MAGI2: variants seen among roughly 807,000 people sequenced by gnomAD.
MAGI2 encodes the protein membrane-associated guanylate kinase, WW and PDZ domain-containing protein 2.
In MAGI2, 35 loss-of-function variants were observed where a neutral mutation model predicts 133.3. The observed-to-expected ratio is 0.26, with a 90% CI of 0.20 to 0.35. The LOEUF (loss-of-function observed/expected upper bound fraction) is 0.35. MAGI2 is among the 10% of genes least tolerant of loss of function. The pLI is 1.00. For missense variants in MAGI2, 1,636 were observed against 1,863.4 expected (o/e 0.88, Z 2.25); for synonymous variants, 729 against 710.6 (o/e 1.03, Z -0.41).
chr7:79,271,280 C>T (rs940573782), intron 1 of MAGI2, among the ~76,000 whole-genome samples: 1 of 152,186 alleles, frequency 6.6e-6, no homozygotes, highest in East Asian at 1.9e-4. Flanking sequence ...ACTTCATCTC[C>T]CCTCATGGAC....
intron 2 of MAGI2, among the ~76,000 whole-genome samples, chr7:78,995,837 C>A (rs1292679204): frequency 6.6e-6 from 1 of 152,074 alleles, no homozygotes; most frequent in Non-Finnish European, 1.5e-5. Flanking sequence ...GAACTGGAAG[C>A]CTGATCCACC....
At position 78,108,758 on chromosome 7, in the gene MAGI2, G is replaced by A. The variant is rs543787612; in HGVS notation, c.3567+16936C>T. Among the ~76,000 whole-genome samples, 5 of 92,634 alleles carry A rather than the reference G, an allele frequency of 5.4e-5. No homozygotes were observed. The East Asian group carries it at 3.9e-3, about 71-fold the overall frequency. The allele number at this position is 92,634 out of a possible 152,430, so 60.8% of individuals were successfully genotyped here. On this transcript the variant is annotated intron_variant, in intron 20 of 21. Coordinates refer to ENST00000354212, the MANE Select transcript of MAGI2 (RefSeq NM_012301.4). ...CACACATATGTGAGTGTATATACGT[G>A]AGTGTGTGTATATATGTGTTTGTGT...
chr7:78,214,194 T>C (rs1037593835), intron 10 of MAGI2, among the ~76,000 whole-genome samples: 3 of 152,244 alleles, frequency 2.0e-5, no homozygotes, highest in African/African-American at 7.2e-5. Flanking sequence ...TTACTTTGTG[T>C]GGTCTTTGCA....
intron 6 of MAGI2, among the ~76,000 whole-genome samples, chr7:78,387,925 CAAATAAATAAATAAATAAAT>C (rs71085527): frequency 0.32 from 46,220 of 145,202 alleles, 7,806 homozygotes; most frequent in Middle Eastern, 0.43. Context: ...AACTCTGTCT[CAAATAAATAAATAAATAAAT>C]AAATAAATAA....
chr7:79,355,249 C>T (rs1841944632), intron 1 of MAGI2, among the ~76,000 whole-genome samples: 1 of 152,208 alleles, frequency 6.6e-6, no homozygotes, highest in East Asian at 1.9e-4. Context: ...ATATTCTTCC[C>T]CTGGGGAGCA....
chr7:78,838,244 G>A (rs1791827703), intron 2 of MAGI2, among the ~76,000 whole-genome samples: 1 of 151,926 alleles, frequency 6.6e-6, no homozygotes, highest in African/African-American at 2.4e-5. Flanking sequence ...TTTCATGAAT[G>A]TAAATCCTAA....
intron 20 of MAGI2, among the ~76,000 whole-genome samples, chr7:78,121,261 C>T (rs1820451803): frequency 6.9e-6 from 1 of 145,774 alleles, no homozygotes. Flanking sequence ...AAGCCAATTA[C>T]GCTAAAATTA....
At chr7:78,591,590 G>A (rs902685646) in intron 3 of MAGI2, among the ~76,000 whole-genome samples, 4 of 152,168 alleles carry the variant, frequency 2.6e-5, no homozygotes, top group Admixed American at 2.6e-4. Flanking sequence ...AAGCAAATAA[G>A]CAGGACTCCC....
At chr7:78,978,218 C>T (rs147038648) in intron 2 of MAGI2, among the ~76,000 whole-genome samples, 11 of 151,882 alleles carry the variant, frequency 7.2e-5, no homozygotes, top group Admixed American at 3.9e-4. Context: ...AATTTGCATA[C>T]GATTGTTTAT....
chr7:78,681,808 A>G (rs568667319), intron 2 of MAGI2, among the ~76,000 whole-genome samples: 2 of 152,252 alleles, frequency 1.3e-5, no homozygotes, highest in South Asian at 4.1e-4. Context: ...GACTAGAGTC[A>G]GGGAAAGAAG....
At chr7:79,152,387 G>A (rs763109878) in intron 1 of MAGI2, among the ~76,000 whole-genome samples, 3 of 152,206 alleles carry the variant, frequency 2.0e-5, no homozygotes, top group African/African-American at 7.2e-5. Flanking sequence ...GGATTGATAA[G>A]TGAAAACTAA....
chr7:78,914,055 C>T (rs1798607909), intron 2 of MAGI2, among the ~76,000 whole-genome samples: 2 of 152,100 alleles, frequency 1.3e-5, no homozygotes, highest in African/African-American at 2.4e-5. Flanking sequence ...AAAATTTAAG[C>T]ATTTTGTTTG....
intron 2 of MAGI2, among the ~76,000 whole-genome samples, chr7:78,731,205 GAATGAAT>G (rs1407721085): frequency 6.6e-6 from 1 of 152,070 alleles, no homozygotes; most frequent in African/African-American, 2.4e-5. Flanking sequence ...TATTTATAGA[GAATGAAT>G]AATAAGAGGA....
In MAGI2 at chr7:78,199,187, G is replaced by A. The variant is rs184244878; in HGVS notation, c.2079+1975C>T. On this transcript the variant is annotated intron_variant, in intron 11 of 21. Transcript: ENST00000354212. ...TCTTGTCCAGTCCCAAGGTGTCCATGCCCAGTAAAGTGGGACTGAATAAGA... is the reference window on the plus strand; with the variant it reads ...TCTTGTCCAGTCCCAAGGTGTCCATACCCAGTAAAGTGGGACTGAATAAGA... Among the ~76,000 whole-genome samples the A allele has an allele frequency of 4.3e-3, 651 of 152,284 alleles. 3 individuals are homozygous for A. Among genetic ancestry groups the A allele is most frequent in the South Asian group, 7.3e-3 (35 of 4,822 alleles).
intron 1 of MAGI2, among the ~76,000 whole-genome samples, chr7:79,394,808 T>C (rs993211037): frequency 6.6e-6 from 1 of 152,240 alleles, no homozygotes; most frequent in African/African-American, 2.4e-5. Context: ...AAAGCAAGTC[T>C]TTCTCACTTG....
chr7:79,003,207 G>T (rs1299148092), intron 2 of MAGI2, among the ~76,000 whole-genome samples: 1 of 152,044 alleles, frequency 6.6e-6, no homozygotes, highest in African/African-American at 2.4e-5. Flanking sequence ...AGGTGGTGGG[G>T]GGGAGGTCTT....
At chr7:78,338,984 A>AAAAC (rs3061239) in intron 9 of MAGI2, among the ~76,000 whole-genome samples, 34,392 of 150,094 alleles carry the variant, frequency 0.23, 4,086 homozygotes, top group Middle Eastern at 0.25. Flanking sequence ...ATCTCTTGAG[A>AAAAC]AAACAAACAA....
chr7:78,088,416 GA>G (rs1816851327), intron 20 of MAGI2, among the ~76,000 whole-genome samples: 1 of 152,190 alleles, frequency 6.6e-6, no homozygotes, highest in African/African-American at 2.4e-5. Context: ...TTAACAGCAT[GA>G]ATGAGCATGA....
At chr7:79,285,221 C>A (rs1307322059) in intron 1 of MAGI2, among the ~76,000 whole-genome samples, 3 of 152,146 alleles carry the variant, frequency 2.0e-5, no homozygotes, top group Middle Eastern at 3.4e-3. Flanking sequence ...GTTTAAATAT[C>A]CATTACTAAG....
Sources: allele counts gnomAD v4.1 joint callset (sites outside exome capture counted in the v4.1 genomes callset), GRCh38; gene constraint gnomAD v4.1.1; transcripts MANE v1.5; gene names NCBI Gene and HGNC (gene_info 2026-07-23, HGNC 2026-07-21).